Variants in BBS9 observed in about 807,000 individuals in gnomAD.
BBS9 encodes protein PTHB1.
Under a neutral mutation model 117.7 loss-of-function variants are expected in BBS9, and 89 were observed. The observed-to-expected ratio is 0.76, with a 90% CI of 0.64 to 0.90. The LOEUF (loss-of-function observed/expected upper bound fraction) is 0.90, where lower values mean the gene tolerates loss of function less well. BBS9 is among the 40% of genes least tolerant of loss of function. The pLI is 0.00. For missense variants in BBS9, 982 were observed against 1,042.2 expected (o/e 0.94, Z 0.80); for synonymous variants, 379 against 370.9 (o/e 1.02, Z -0.25).
chr7:33,605,251 A>C lies in BBS9; in HGVS notation c.*25A>C, dbSNP rs1864431733. The C allele has an allele frequency of 1.2e-6, 2 of 1,608,348 alleles. No individual in the cohort carries two copies. Among genetic ancestry groups the C allele is most frequent in the South Asian group, 2.2e-5 (2 of 90,964 alleles). ...ATTCAAGTAGAGTTGTTTGGTTGAG[A>C]GGAACATCCCCATCTCAAGGCCGAA... On this transcript the variant is annotated 3_prime_UTR_variant, in exon 23 of 23. Transcript: ENST00000242067.
chr7:33,585,512 G>A (rs1860734886), intron 21 of BBS9, among the ~76,000 whole-genome samples: 1 of 151,914 alleles, frequency 6.6e-6, no homozygotes. Context: ...CTATGTATGT[G>A]ACTTTGAGCA....
Position 33,357,947 on chromosome 7 carries a change from A to G in BBS9, c.1645A>G (p.Thr549Ala), listed in dbSNP as rs1310602174. 8.7e-6 allele frequency: 14 copies of G among 1,612,586 alleles called. No homozygotes were observed. The highest frequency in any genetic ancestry group is 1.3e-5 in the African/African-American group (1 of 74,856). The change falls in exon 16 of 23, where the codon ACT becomes GCT. Residue 549 changes from threonine (T) to alanine (A), a missense_variant. Physicochemically the swap from Thr to Ala is moderately conservative, Grantham distance 58 (BLOSUM62 0). Transcript: ENST00000242067. ...QPSKTASHKI[T>A]IDTNKSPVSL... is the part of the protein sequence containing the mutation. Reference sequence around the variant, plus strand: ...TTCAAAAACTGCAAGCCACAAAATTACTATTGATACCAACAAATCTCCAGT... The same window carrying G: ...TTCAAAAACTGCAAGCCACAAAATTGCTATTGATACCAACAAATCTCCAGT...
chr7:33,475,727 G>T (rs1841709174), intron 19 of BBS9, among the ~76,000 whole-genome samples: 1 of 152,172 alleles, frequency 6.6e-6, no homozygotes, highest in Non-Finnish European at 1.5e-5. Context: ...GGTCTGGGAA[G>T]AGGTTCACTT....
intron 9 of BBS9, among the ~76,000 whole-genome samples, chr7:33,308,453 T>C (rs1808490784): frequency 6.6e-6 from 1 of 152,216 alleles, no homozygotes; most frequent in African/African-American, 2.4e-5. Context: ...GTTTCTGAAA[T>C]TCATTGCTTT....
intron 21 of BBS9, among the ~76,000 whole-genome samples, chr7:33,566,650 A>G (rs1856969799): frequency 6.6e-6 from 1 of 152,152 alleles, no homozygotes; most frequent in Non-Finnish European, 1.5e-5. Context: ...TCTGGTTATT[A>G]TCAGAATGCT....
At chr7:33,465,413 G>C (rs555534561) in intron 19 of BBS9, among the ~76,000 whole-genome samples, 3 of 151,966 alleles carry the variant, frequency 2.0e-5, no homozygotes, top group Non-Finnish European at 4.4e-5. Context: ...ATGCCAGCAG[G>C]GGAAACATGA....
chr7:33,251,591 A>ATG (rs1314475645), intron 5 of BBS9, among the ~76,000 whole-genome samples: 1 of 152,238 alleles, frequency 6.6e-6, no homozygotes, highest in Non-Finnish European at 1.5e-5. Context: ...CATCATCATG[A>ATG]TGTGTGTGGG....
chr7:33,300,268 T>C (rs1297263411), intron 9 of BBS9, among the ~76,000 whole-genome samples: 1 of 152,094 alleles, frequency 6.6e-6, no homozygotes, highest in Non-Finnish European at 1.5e-5. Context: ...ATGATTTTCA[T>C]TGGCCAAACT....
Position 33,329,837 on chromosome 7 carries a change from A to G in BBS9, c.1017-6604A>G, listed in dbSNP as rs1239796626. The stretch of plus-strand genomic sequence containing the variant: ...AGGTGTTAATCAAATATACCTTTTT[A>G]AAAAGTTTTAAAATGTACATTTTTT... On this transcript the variant is annotated intron_variant, in intron 9 of 22. Coordinates refer to ENST00000242067, the MANE Select transcript of BBS9 (RefSeq NM_198428.3). Among the ~76,000 whole-genome samples the G allele has an allele frequency of 2.0e-5, 3 of 152,194 alleles. No homozygotes were observed. The East Asian group carries it at 5.8e-4, about 29-fold the overall frequency.
intron 16 of BBS9, among the ~76,000 whole-genome samples, chr7:33,359,122 A>G (rs144290122): frequency 0.011 from 1,643 of 151,866 alleles, 18 homozygotes; most frequent in African/African-American, 0.037. Flanking sequence ...TTCTTGTAAC[A>G]AACTTGGATT....
At chr7:33,524,668 C>G (rs1849192987) in intron 20 of BBS9, among the ~76,000 whole-genome samples, 1 of 152,210 alleles carries the variant, frequency 6.6e-6, no homozygotes, top group South Asian at 2.1e-4. Context: ...TGCTAGCGGT[C>G]TATCAATTTT....
chr7:33,211,512 C>A (rs931464360), intron 5 of BBS9, among the ~76,000 whole-genome samples: 1 of 152,020 alleles, frequency 6.6e-6, no homozygotes, highest in Non-Finnish European at 1.5e-5. Context: ...TATCCCCCTG[C>A]TTTTTAACTT....
intron 21 of BBS9, among the ~76,000 whole-genome samples, chr7:33,602,445 G>A (rs902605980): frequency 6.6e-6 from 1 of 152,098 alleles, no homozygotes; most frequent in Non-Finnish European, 1.5e-5. Flanking sequence ...AAAGGGGGGT[G>A]GTACCAGGCA....
At chr7:33,169,272 C>T (rs1378624643) in intron 4 of BBS9, among the ~76,000 whole-genome samples, 5 of 150,686 alleles carry the variant, frequency 3.3e-5, no homozygotes, top group Middle Eastern at 3.4e-3. Context: ...AATAAACATA[C>T]GTGTGCATGT....
intron 19 of BBS9, among the ~76,000 whole-genome samples, chr7:33,424,423 C>T (rs1234384439): frequency 1.3e-5 from 2 of 152,100 alleles, no homozygotes; most frequent in Non-Finnish European, 2.9e-5. Flanking sequence ...TCCTGAGCTC[C>T]ACCCTTAGAC....
Position 33,542,662 on chromosome 7 carries a change from AC to A in BBS9, c.2521+8487del, listed in dbSNP as rs1411428249. ...AGGTCACTGCAAATGCTGTTAATTC[AC>A]TCCTTTTTATGCCTGCGTAGTATTC... On this transcript the variant is annotated intron_variant, in intron 21 of 22. Transcript: ENST00000242067. 8.9e-5 allele frequency among the ~76,000 whole-genome samples: 13 copies of A among 145,256 alleles called. 1 individual carries two copies. The highest frequency in any genetic ancestry group is 9.2e-5 in the Non-Finnish European group (6 of 65,136).
At chr7:33,516,547 G>T (rs1011184095) in intron 20 of BBS9, among the ~76,000 whole-genome samples, 2 of 130,732 alleles carry the variant, frequency 1.5e-5, no homozygotes, top group Non-Finnish European at 3.2e-5. Context: ...ACAGAGTAAA[G>T]AAATTATCAC....
At chr7:33,426,813 G>A (rs1453871920) in intron 19 of BBS9, among the ~76,000 whole-genome samples, 3 of 152,148 alleles carry the variant, frequency 2.0e-5, no homozygotes, top group Non-Finnish European at 4.4e-5. Flanking sequence ...ATTCTGCTGG[G>A]TGTCTTTTGT....
At chr7:33,311,746 G>A (rs1809279342) in intron 9 of BBS9, among the ~76,000 whole-genome samples, 1 of 152,024 alleles carries the variant, frequency 6.6e-6, no homozygotes, top group African/African-American at 2.4e-5. Flanking sequence ...GAACCTGAGA[G>A]GCGGAGGTTG....
Sources: allele counts gnomAD v4.1 joint callset (sites outside exome capture counted in the v4.1 genomes callset), GRCh38; gene constraint gnomAD v4.1.1; transcripts MANE v1.5; gene names NCBI Gene and HGNC (gene_info 2026-07-23, HGNC 2026-07-21).